MAGI2: variants seen among roughly 807,000 people sequenced by gnomAD.
MAGI2 encodes the protein membrane-associated guanylate kinase, WW and PDZ domain-containing protein 2.
In MAGI2, 35 loss-of-function variants were observed where a neutral mutation model predicts 133.3. The observed-to-expected ratio is 0.26, with a 90% CI of 0.20 to 0.35. The LOEUF (loss-of-function observed/expected upper bound fraction) is 0.35, where lower values mean the gene tolerates loss of function less well. MAGI2 is among the 10% of genes least tolerant of loss of function. MAGI2 has a pLI of 1.00. For synonymous variants in MAGI2, 729 were observed against 710.6 expected, an observed-to-expected ratio of 1.03 and a Z score of -0.41; for missense variants, 1,636 against 1,863.4, an observed-to-expected ratio of 0.88 and a Z score of 2.25.
At chr7:78,288,866 T>C (rs993373904) in intron 9 of MAGI2, among the ~76,000 whole-genome samples, 2 of 152,152 alleles carry the variant, frequency 1.3e-5, no homozygotes, top group Admixed American at 6.6e-5. Context: ...CAGCAAACTC[T>C]AACAGACCTG....
chr7:78,631,552 TACTG>T (rs1242325770), intron 2 of MAGI2, among the ~76,000 whole-genome samples: 13 of 152,030 alleles, frequency 8.6e-5, no homozygotes, highest in African/African-American at 3.1e-4. Context: ...GAGAGAAAAA[TACTG>T]AGAGTCAAGA....
At chr7:78,908,184 C>A (rs997857816) in intron 2 of MAGI2, among the ~76,000 whole-genome samples, 1 of 152,054 alleles carries the variant, frequency 6.6e-6, no homozygotes, top group African/African-American at 2.4e-5. Context: ...GTGGGCTATG[C>A]CATAGTTCCC....
intron 2 of MAGI2, among the ~76,000 whole-genome samples, chr7:78,710,381 A>G (rs1819065813): frequency 6.6e-6 from 1 of 152,146 alleles, no homozygotes. Context: ...AAAGAACCCT[A>G]TGTTTGGGGA....
chr7:78,969,355 T>C (rs995996447), intron 2 of MAGI2, among the ~76,000 whole-genome samples: 1 of 152,104 alleles, frequency 6.6e-6, no homozygotes, highest in African/African-American at 2.4e-5. Flanking sequence ...AAACCCCGCC[T>C]TGGGTAACCT....
chr7:78,490,562 T>A (rs1264270476), intron 5 of MAGI2, among the ~76,000 whole-genome samples: 1 of 152,182 alleles, frequency 6.6e-6, no homozygotes, highest in East Asian at 1.9e-4. Flanking sequence ...TAAAGTAGTG[T>A]TTTTTAAAGT....
intron 20 of MAGI2, among the ~76,000 whole-genome samples, chr7:78,104,522 C>T (rs1461889846): frequency 2.0e-5 from 3 of 151,894 alleles, no homozygotes; most frequent in East Asian, 1.9e-4. Flanking sequence ...GCGCCCAGCC[C>T]GGATTTTCTT....
intron 1 of MAGI2, chr7:79,411,994 A>C (rs1413268458): frequency 6.6e-6 from 1 of 152,098 alleles, no homozygotes; most frequent in African/African-American, 2.4e-5. Context: ...TCAGTTAATC[A>C]GGGTCATTTA....
intron 1 of MAGI2, among the ~76,000 whole-genome samples, chr7:79,341,237 T>A (rs1160520194): frequency 6.6e-6 from 1 of 152,162 alleles, no homozygotes; most frequent in Non-Finnish European, 1.5e-5. Flanking sequence ...TGTTTTGGCA[T>A]TAAATGGACC....
intron 2 of MAGI2, among the ~76,000 whole-genome samples, chr7:78,715,969 G>A (rs1471144382): frequency 6.6e-6 from 1 of 152,132 alleles, no homozygotes; most frequent in African/African-American, 2.4e-5. Flanking sequence ...GTTAGAAAAT[G>A]GAGATTCAAC....
At chr7:79,345,055 G>A (rs1353004864) in intron 1 of MAGI2, among the ~76,000 whole-genome samples, 1 of 152,006 alleles carries the variant, frequency 6.6e-6, no homozygotes, top group Non-Finnish European at 1.5e-5. Context: ...ATTGTTATGG[G>A]TTGAATTGTG....
intron 1 of MAGI2, among the ~76,000 whole-genome samples, chr7:79,241,032 A>T (rs1304485876): frequency 6.6e-6 from 1 of 152,074 alleles, no homozygotes; most frequent in Admixed American, 6.6e-5. Flanking sequence ...TGGAAAAAAT[A>T]TAAAGAACCA....
rs534344760 is a variant in MAGI2 at position 78,867,350 on chromosome 7, C to A, written c.418+139740G>T. ...TGTGGCACATATACACCATGGAATA[C>A]TATGCAGCCATAAAAAATGATGAGT... On this transcript the variant is annotated intron_variant, in intron 2 of 21. Transcript: ENST00000354212. Among the ~76,000 whole-genome samples, 3 of 149,520 alleles carry A rather than the reference C, an allele frequency of 2.0e-5. No individual in the cohort carries two copies. In the South Asian group the frequency reaches 6.4e-4, roughly 32 times the overall value.
intron 2 of MAGI2, among the ~76,000 whole-genome samples, chr7:78,806,289 T>C: frequency 6.6e-6 from 1 of 151,856 alleles, no homozygotes; most frequent in South Asian, 2.1e-4. Context: ...AAAATGTGAA[T>C]AGGAACTTAA....
intron 1 of MAGI2, among the ~76,000 whole-genome samples, chr7:79,127,577 T>C (rs748108701): frequency 1.3e-4 from 20 of 152,356 alleles, no homozygotes; most frequent in Admixed American, 7.8e-4. Flanking sequence ...TTCATGTGTT[T>C]TTGGCTGCAT....
chr7:79,068,019 G>A (rs971938004), intron 1 of MAGI2, among the ~76,000 whole-genome samples: 2 of 152,158 alleles, frequency 1.3e-5, no homozygotes, highest in East Asian at 1.9e-4. Flanking sequence ...GTATTTGATT[G>A]AGGATTTTCA....
chr7:78,991,978 AC>A (rs1280468823), intron 2 of MAGI2, among the ~76,000 whole-genome samples: 3 of 152,070 alleles, frequency 2.0e-5, no homozygotes, highest in Admixed American at 6.6e-5. Flanking sequence ...GCATGAATAT[AC>A]AAGAGCAGGG....
intron 2 of MAGI2, chr7:78,771,089 T>C (rs1825542193): frequency 6.6e-6 from 1 of 152,150 alleles, no homozygotes; most frequent in African/African-American, 2.4e-5. Context: ...TTGTTTTCCC[T>C]CCTCTCAAAG....
At chr7:78,067,973 A>C (rs1046970363) in intron 21 of MAGI2, among the ~76,000 whole-genome samples, 1 of 152,232 alleles carries the variant, frequency 6.6e-6, no homozygotes, top group Non-Finnish European at 1.5e-5. Context: ...GGGCAGTGAC[A>C]CTATTCTGTA....
chr7:78,180,294 C>G (rs1827069212), intron 13 of MAGI2, among the ~76,000 whole-genome samples: 1 of 152,178 alleles, frequency 6.6e-6, no homozygotes, highest in African/African-American at 2.4e-5. Context: ...CAGCACCCAT[C>G]CATATTGCAC....
Sources: allele counts gnomAD v4.1 joint callset (sites outside exome capture counted in the v4.1 genomes callset), GRCh38; gene constraint gnomAD v4.1.1; transcripts MANE v1.5; gene names NCBI Gene and HGNC (gene_info 2026-07-23, HGNC 2026-07-21).